ITGB6: variants seen among roughly 807,000 people sequenced by gnomAD.
ITGB6 encodes the protein integrin subunit beta 6.
In ITGB6, 80 loss-of-function variants were observed where a neutral mutation model predicts 84.5. The ratio of observed to expected loss-of-function variants is 0.95; its 90% CI spans 0.79 to 1.14. The LOEUF is 1.14. Ranked by LOEUF, ITGB6 falls within the 50% of genes most tolerant of loss-of-function variation. The pLI, the probability that ITGB6 is intolerant of heterozygous loss-of-function variation, is 0.00. For missense variants in ITGB6, 1,006 were observed against 968.0 expected (o/e 1.04, Z -0.52); for synonymous variants, 383 against 354.9 (o/e 1.08, Z -0.89).
intron 7 of ITGB6, among the ~76,000 whole-genome samples, chr2:160,150,255 T>A (rs182454074): frequency 9.2e-5 from 14 of 152,250 alleles, no homozygotes; most frequent in African/African-American, 3.4e-4. Flanking sequence ...TAACAACAGA[T>A]CTCTCGGCAG....
intron 10 of ITGB6, 128 bp downstream of exon 10, chr2:160,137,306 C>T (rs763173897): frequency 7.9e-5 from 68 of 857,676 alleles, no homozygotes; most frequent in Non-Finnish European, 1.2e-4. Flanking sequence ...TACCCTAGGT[C>T]TAAGGCTGAT....
At chr2:160,184,842 C>T (rs1574135954) in intron 4 of ITGB6, among the ~76,000 whole-genome samples, 1 of 152,166 alleles carries the variant, frequency 6.6e-6, no homozygotes, top group East Asian at 1.9e-4. Flanking sequence ...AATCAATAAA[C>T]ATAATCCATC....
At chr2:160,183,056 C>T (rs868800403) in intron 4 of ITGB6, among the ~76,000 whole-genome samples, 7 of 152,046 alleles carry the variant, frequency 4.6e-5, no homozygotes, top group African/African-American at 9.7e-5. Flanking sequence ...TTGTAAAGAC[C>T]GTCGACACTA....
intron 10 of ITGB6, among the ~76,000 whole-genome samples, chr2:160,131,749 A>C (rs1001152865): frequency 3.9e-5 from 6 of 152,218 alleles, no homozygotes; most frequent in African/African-American, 1.4e-4. Flanking sequence ...TTCTGAGTCT[A>C]GCTAAATAAA....
At chr2:160,102,228 G>T (rs1696749297) in intron 14 of ITGB6, among the ~76,000 whole-genome samples, 1 of 152,012 alleles carries the variant, frequency 6.6e-6, no homozygotes, top group Admixed American at 6.5e-5. Context: ...AGCCAAAAAA[G>T]TAAAAAACAG....
At chr2:160,178,253 T>A (rs958446058) in intron 4 of ITGB6, among the ~76,000 whole-genome samples, 2 of 152,218 alleles carry the variant, frequency 1.3e-5, no homozygotes, top group African/African-American at 4.8e-5. Flanking sequence ...GATCATAATA[T>A]CTATTTCACA....
At chr2:160,179,852 C>T (rs1407549544) in intron 4 of ITGB6, among the ~76,000 whole-genome samples, 2 of 149,126 alleles carry the variant, frequency 1.3e-5, no homozygotes, top group East Asian at 2.0e-4. Context: ...AATCCCAGCA[C>T]TTTGGGAGGC....
At chr2:160,136,787 A>G (rs575086285) in intron 10 of ITGB6, among the ~76,000 whole-genome samples, 104 of 152,250 alleles carry the variant, frequency 6.8e-4, no homozygotes, top group Non-Finnish European at 1.0e-3. Flanking sequence ...CATTCTCAGC[A>G]AACTATCACA....
chr2:160,186,664 AT>A (rs1685909897), intron 4 of ITGB6, among the ~76,000 whole-genome samples: 1 of 152,212 alleles, frequency 6.6e-6, no homozygotes, highest in South Asian at 2.1e-4. Context: ...ACACATGCAC[AT>A]GTATGTTTAC....
At chr2:160,135,562 T>G in intron 10 of ITGB6, among the ~76,000 whole-genome samples, 1 of 151,988 alleles carries the variant, frequency 6.6e-6, no homozygotes, top group Non-Finnish European at 1.5e-5. Context: ...ACTTTATAGT[T>G]CATATGGAAC....
intron 10 of ITGB6, among the ~76,000 whole-genome samples, chr2:160,129,407 A>AG (rs1553479654): frequency 2.0e-5 from 3 of 151,498 alleles, no homozygotes; most frequent in African/African-American, 7.3e-5. Context: ...AAAAAAAAAA[A>AG]AAAGAAATGT....
At chr2:160,117,461 A>G (rs1483633374) in intron 12 of ITGB6, among the ~76,000 whole-genome samples, 1 of 152,232 alleles carries the variant, frequency 6.6e-6, no homozygotes, top group Non-Finnish European at 1.5e-5. Context: ...GTTCTTTGAA[A>G]CCAGCGAGAA....
intron 7 of ITGB6, among the ~76,000 whole-genome samples, chr2:160,162,601 A>G (rs1307627402): frequency 1.3e-5 from 2 of 152,070 alleles, no homozygotes; most frequent in Non-Finnish European, 2.9e-5. Flanking sequence ...ACTGGCAATA[A>G]GTATGTGGGT....
chr2:160,180,028 G>A (rs541877935), intron 4 of ITGB6, among the ~76,000 whole-genome samples: 156 of 148,948 alleles, frequency 1.0e-3, no homozygotes, highest in Middle Eastern at 3.4e-3. Flanking sequence ...CAGCAGAATC[G>A]CTTGAACCTG....
chr2:160,151,094 C>T (rs966379594), intron 7 of ITGB6, among the ~76,000 whole-genome samples: 1 of 152,116 alleles, frequency 6.6e-6, no homozygotes, highest in Non-Finnish European at 1.5e-5. Flanking sequence ...AACAAGCAGA[C>T]CTAATAGATG....
chr2:160,150,205 G>A (rs1021362380), intron 7 of ITGB6, among the ~76,000 whole-genome samples: 1 of 152,184 alleles, frequency 6.6e-6, no homozygotes, highest in African/African-American at 2.4e-5. Context: ...GACAGCCAGA[G>A]AGAAAGGTCA....
At chr2:160,182,299 A>G (rs1685711551) in intron 4 of ITGB6, among the ~76,000 whole-genome samples, 1 of 152,202 alleles carries the variant, frequency 6.6e-6, no homozygotes, top group African/African-American at 2.4e-5. Flanking sequence ...AAGAACATAA[A>G]TGACCTGATG....
chr2:160,128,369 G>A (rs1182545255), intron 10 of ITGB6, among the ~76,000 whole-genome samples: 1 of 151,904 alleles, frequency 6.6e-6, no homozygotes, highest in African/African-American at 2.4e-5. Flanking sequence ...TACAGCCAAA[G>A]TTGCATATGG....
At chr2:160,119,364 T>C (rs1682929499) in intron 12 of ITGB6, among the ~76,000 whole-genome samples, 1 of 152,068 alleles carries the variant, frequency 6.6e-6, no homozygotes, top group South Asian at 2.1e-4. Flanking sequence ...TAATGCCGCA[T>C]ATCTACAACT....
Sources: gnomAD v4.1 joint callset for allele counts (sites outside exome capture counted in the v4.1 genomes callset) on GRCh38, gnomAD v4.1.1 for gene constraint, MANE v1.5 for transcripts, NCBI Gene and HGNC (gene_info 2026-07-23, HGNC 2026-07-21) for gene names.